EPHA6: variants seen among roughly 807,000 people sequenced by gnomAD.
EPHA6 encodes EPH receptor A6, also known as ephrin type-A receptor 6.
In EPHA6, 50 loss-of-function variants were observed where a neutral mutation model predicts 112.0. The observed-to-expected ratio is 0.45, with a 90% CI of 0.36 to 0.56. The LOEUF is 0.56. EPHA6 is among the 20% of genes least tolerant of loss of function. The pLI is 0.00. For synonymous variants in EPHA6, 529 were observed against 490.7 expected, an observed-to-expected ratio of 1.08 and a Z score of -1.03; for missense variants, 1,280 against 1,417.4, an observed-to-expected ratio of 0.90 and a Z score of 1.56.
chr3:97,574,788 C>A (rs1352609092), intron 11 of EPHA6, among the ~76,000 whole-genome samples: 1 of 151,932 alleles, frequency 6.6e-6, no homozygotes. Context: ...TTTAATTTCA[C>A]TAGTAGCCAG....
chr3:96,981,668 G>T (rs2042790527), intron 2 of EPHA6, among the ~76,000 whole-genome samples: 1 of 151,950 alleles, frequency 6.6e-6, no homozygotes, highest in Admixed American at 6.6e-5. Flanking sequence ...ATTCTGCTGT[G>T]AATCCTTCTG....
intron 3 of EPHA6, among the ~76,000 whole-genome samples, chr3:97,081,614 A>G (rs979351195): frequency 7.9e-5 from 12 of 151,826 alleles, no homozygotes; most frequent in Admixed American, 5.3e-4. Context: ...GTAGGCCTTC[A>G]ATGTCAATAC....
At chr3:96,994,590 T>C (rs1196434988) in intron 3 of EPHA6, among the ~76,000 whole-genome samples, 1 of 151,658 alleles carries the variant, frequency 6.6e-6, no homozygotes, top group Non-Finnish European at 1.5e-5. Context: ...TAAGCTCCTC[T>C]TAAACATTAA....
At chr3:97,583,288 C>A in intron 11 of EPHA6, among the ~76,000 whole-genome samples, 1 of 151,698 alleles carries the variant, frequency 6.6e-6, no homozygotes, top group South Asian at 2.1e-4. Context: ...GCCTGTAATC[C>A]CAGCACTTTG....
At chr3:97,068,038 C>T (rs910327749) in intron 3 of EPHA6, among the ~76,000 whole-genome samples, 2 of 151,430 alleles carry the variant, frequency 1.3e-5, no homozygotes, top group Admixed American at 1.3e-4. Context: ...TGGCTGTAAT[C>T]CCAGTTACTC....
intron 13 of EPHA6, among the ~76,000 whole-genome samples, chr3:97,628,030 CT>C (rs2093873275): frequency 6.6e-6 from 1 of 151,906 alleles, no homozygotes; most frequent in Non-Finnish European, 1.5e-5. Context: ...CCACTGTAGT[CT>C]TTGGAATAGA....
At chr3:96,886,478 G>A (rs368969117) in intron 2 of EPHA6, among the ~76,000 whole-genome samples, 2 of 152,112 alleles carry the variant, frequency 1.3e-5, no homozygotes, top group African/African-American at 4.8e-5. Context: ...TGTTTTGTCT[G>A]ATACAAAAAT....
chr3:97,186,570 C>T (rs2077144827), intron 3 of EPHA6, among the ~76,000 whole-genome samples: 1 of 152,036 alleles, frequency 6.6e-6, no homozygotes, highest in African/African-American at 2.4e-5. Context: ...GGGTGCCAAA[C>T]GTATCGATTC....
chr3:97,048,612 A>G (rs1056040068), intron 3 of EPHA6, among the ~76,000 whole-genome samples: 40 of 152,142 alleles, frequency 2.6e-4, no homozygotes, highest in African/African-American at 9.7e-4. Context: ...GACATTAGTG[A>G]TGGGTGGGAT....
intron 14 of EPHA6, among the ~76,000 whole-genome samples, chr3:97,707,463 A>T (rs1247613104): frequency 6.6e-6 from 1 of 152,212 alleles, no homozygotes; most frequent in Non-Finnish European, 1.5e-5. Flanking sequence ...AGGAATAATC[A>T]CTTTGATCAT....
chr3:97,475,719 C>A (rs2091349631), intron 8 of EPHA6, among the ~76,000 whole-genome samples: 1 of 151,916 alleles, frequency 6.6e-6, no homozygotes, highest in Admixed American at 6.6e-5. Context: ...CATATTTTTC[C>A]TTTACTATAA....
intron 5 of EPHA6, among the ~76,000 whole-genome samples, chr3:97,282,241 T>C (rs970032416): frequency 1.3e-5 from 2 of 152,148 alleles, no homozygotes; most frequent in African/African-American, 4.8e-5. Flanking sequence ...TGTTTTTACA[T>C]TGAAAGACTG....
At chr3:97,216,018 GA>G (rs2078025510) in intron 3 of EPHA6, among the ~76,000 whole-genome samples, 1 of 152,154 alleles carries the variant, frequency 6.6e-6, no homozygotes, top group Non-Finnish European at 1.5e-5. Context: ...AAAGGGAAAA[GA>G]AACTACATCA....
intron 3 of EPHA6, among the ~76,000 whole-genome samples, chr3:97,060,923 CAAAAAAAAAAAAAA>C (rs71623565): frequency 9.4e-5 from 2 of 21,224 alleles, no homozygotes; most frequent in African/African-American, 1.3e-4. Flanking sequence ...GACTCCGTCT[CAAAAAAAAAAAAAA>C]AAAAAAAAAA....
chr3:97,064,739 ATACTGGT>A (rs2046126526), intron 3 of EPHA6, among the ~76,000 whole-genome samples: 1 of 152,118 alleles, frequency 6.6e-6, no homozygotes, highest in South Asian at 2.1e-4. Flanking sequence ...ATACCAAGTG[ATACTGGT>A]CAGTGCTTTT....
chr3:96,868,447 A>G (rs1304222727), intron 2 of EPHA6, among the ~76,000 whole-genome samples: 1 of 151,668 alleles, frequency 6.6e-6, no homozygotes, highest in Non-Finnish European at 1.5e-5. Flanking sequence ...AATATAGGTT[A>G]CAGTACTTAA....
intron 6 of EPHA6, among the ~76,000 whole-genome samples, chr3:97,406,877 A>G (rs1203131280): frequency 6.6e-6 from 1 of 152,182 alleles, no homozygotes; most frequent in East Asian, 1.9e-4. Context: ...ATAGCACACT[A>G]TCACAAGAAA....
chr3:96,893,475 G>T (rs2038094245), intron 2 of EPHA6, among the ~76,000 whole-genome samples: 1 of 152,190 alleles, frequency 6.6e-6, no homozygotes, highest in African/African-American at 2.4e-5. Context: ...AAGAGGCCAT[G>T]TGGAGTGACC....
intron 2 of EPHA6, among the ~76,000 whole-genome samples, chr3:96,946,136 G>A (rs2041242090): frequency 6.6e-6 from 1 of 151,726 alleles, no homozygotes. Context: ...ATGATTTTAA[G>A]TTTCTTCCAT....
Sources: allele counts gnomAD v4.1 joint callset (sites outside exome capture counted in the v4.1 genomes callset), GRCh38; gene constraint gnomAD v4.1.1; transcripts MANE v1.5; gene names NCBI Gene and HGNC (gene_info 2026-07-23, HGNC 2026-07-21).